Variants in GPR149 observed in about 807,000 individuals in gnomAD.
GPR149 encodes the protein probable G protein-coupled receptor 149.
Under a neutral mutation model 50.2 loss-of-function variants are expected in GPR149, and 50 were observed. The ratio of observed to expected loss-of-function variants is 1.00; its 90% confidence interval spans 0.79 to 1.26. The LOEUF is 1.26. GPR149 is among the 50% of genes most tolerant of loss of function. The pLI is 0.00. For synonymous variants in GPR149, 405 were observed against 358.2 expected, an observed-to-expected ratio of 1.13 and a Z score of -1.48; for missense variants, 983 against 895.4, an observed-to-expected ratio of 1.10 and a Z score of -1.25.
rs569072658 is a variant in GPR149 at position 154,420,950 on chromosome 3, T to A, written c.1623+89A>T. 4.4e-4 allele frequency: 413 copies of A among 941,326 alleles called. 1 individual carries two copies. The highest frequency in any genetic ancestry group is 3.9e-3 in the South Asian group (219 of 56,346). The allele number at this position is 941,326 out of a possible 1,614,324, so 58.3% of individuals were successfully genotyped here. A position where few individuals can be genotyped will look rare whatever the true frequency, so the allele number is the denominator to read the frequency against. ...AAGTGAAGTTAATGTTGGGCTTGAT[T>A]GAATAAAACAAACAACTGATAATGT... On this transcript the variant is annotated intron_variant, in intron 3 of 3. Coordinates refer to ENST00000389740, the MANE Select transcript of GPR149 (RefSeq NM_001038705.3).
intron 3 of GPR149, among the ~76,000 whole-genome samples, chr3:154,398,569 C>A (rs189133397): frequency 1.4e-4 from 21 of 152,096 alleles, no homozygotes; most frequent in Admixed American, 8.5e-4. Context: ...GAACAGGAAG[C>A]TTTGAGTACA....
chr3:154,350,384 T>C (rs1323612273), intron 3 of GPR149, among the ~76,000 whole-genome samples: 4 of 152,184 alleles, frequency 2.6e-5, no homozygotes, highest in Non-Finnish European at 2.9e-5. Context: ...CAAAATCATT[T>C]GTACTTCTAT....
Position 154,353,415 on chromosome 3 carries a change from A to G in GPR149, c.1624-15144T>C, listed in dbSNP as rs576762716. ...TTCAGTTTTGTAGGATTTGTGAATC[A>G]CATCTTCAACTTGTTCATTAAAATC... On this transcript the variant is annotated intron_variant, in intron 3 of 3. Transcript: ENST00000389740. 1.5e-5 allele frequency: 16 copies of G among 1,072,334 alleles called. No homozygotes were observed. In the African/African-American group the frequency reaches 2.0e-4, roughly 14 times the overall value. 66.4% of individuals were successfully genotyped at this position (1,072,334 alleles called of 1,614,324 possible). A position where few individuals can be genotyped will look rare whatever the true frequency, so the allele number is the denominator to read the frequency against.
chr3:154,337,845 C>T lies in GPR149; in HGVS notation c.2050G>A (p.Asp684Asn), dbSNP rs779428998. The T allele has an allele frequency of 1.2e-6, 2 of 1,613,944 alleles. No homozygotes were observed. Among genetic ancestry groups the T allele is most frequent in the African/African-American group, 2.7e-5 (2 of 74,906 alleles). Residue 684 changes from aspartate (D) to asparagine (N), a missense_variant, in exon 4 of 4, where the codon GAT (aspartate) becomes AAT (asparagine). Asp to Asn is a conservative substitution (Grantham distance 23). Coordinates refer to ENST00000389740, the MANE Select transcript of GPR149 (RefSeq NM_001038705.3). The part of the protein sequence containing the change: ...LFLPTSNPDG[D>N]INISIPDTVE... Reference sequence around the variant, plus strand: ...GTGTCTGGAATGGAGATATTAATATCACCATCAGGATTACTGGTGGGCAAA... The same window carrying T: ...GTGTCTGGAATGGAGATATTAATATTACCATCAGGATTACTGGTGGGCAAA...
rs1712403947 is a variant in GPR149, at chr3:154,429,082, C to A, written c.534G>T (p.Thr178=). 1 of 1,613,792 alleles carries A rather than the reference C, an allele frequency of 6.2e-7. No homozygotes were observed. The highest frequency in any genetic ancestry group is 8.5e-7 in the Non-Finnish European group (1 of 1,179,950). ...PLCGWGAFVR[T]PWGCLVDCSS... Reference sequence around the variant, plus strand: ...AGCAGTCCACCAGGCAGCCCCAGGGCGTGCGCACGAAGGCGCCCCAGCCGC... The same window carrying A: ...AGCAGTCCACCAGGCAGCCCCAGGGAGTGCGCACGAAGGCGCCCCAGCCGC... The change falls in exon 1 of 4, where the codon ACG becomes ACT. Residue 178 remains threonine (T), a synonymous_variant. Coordinates refer to ENST00000389740, the MANE Select transcript of GPR149 (RefSeq NM_001038705.3).
chr3:154,352,759 C>A, intron 3 of GPR149: 1 of 796,216 alleles, frequency 1.3e-6, no homozygotes, highest in East Asian at 2.4e-5. Context: ...GGTATCCATG[C>A]TTTTAGATTT....
chr3:154,339,240 T>C (rs1428671692), intron 3 of GPR149, among the ~76,000 whole-genome samples: 1 of 152,154 alleles, frequency 6.6e-6, no homozygotes, highest in Non-Finnish European at 1.5e-5. Context: ...CTCAATTAGG[T>C]CTCAACCCAG....
intron 3 of GPR149, among the ~76,000 whole-genome samples, chr3:154,361,027 T>C (rs931004781): frequency 3.3e-5 from 5 of 152,148 alleles, no homozygotes; most frequent in African/African-American, 1.2e-4. Context: ...ACTACCTACA[T>C]AGCAACAGAA....
chr3:154,416,485 T>A (rs1021660663), intron 3 of GPR149, among the ~76,000 whole-genome samples: 1 of 151,872 alleles, frequency 6.6e-6, no homozygotes, highest in Non-Finnish European at 1.5e-5. Context: ...AGCTCTGATC[T>A]AAAGAGCTCA....
At chr3:154,369,949 G>T (rs1714625633) in intron 3 of GPR149, among the ~76,000 whole-genome samples, 1 of 152,166 alleles carries the variant, frequency 6.6e-6, no homozygotes, top group Admixed American at 6.5e-5. Flanking sequence ...GCAACAGGCA[G>T]CCCCCACTGT....
At position 154,429,512 on chromosome 3, in the gene GPR149, T is replaced by TA. The variant is rs1712425065; in HGVS notation, c.103dup (p.Tyr35LeufsTer44). 6.2e-7 allele frequency: 1 copy of TA among 1,614,040 alleles called. No homozygotes were observed. Among genetic ancestry groups the TA allele is most frequent in the African/African-American group, 1.3e-5 (1 of 74,926 alleles). ...CATGAGACATGTCAAGCAAAAAAGA[T>TA]AGATATTCAGGGTTCCTGGCGGATT... On this transcript the variant is annotated frameshift_variant, in exon 1 of 4. Coordinates refer to ENST00000389740, the MANE Select transcript of GPR149 (RefSeq NM_001038705.3). LOFTEE classifies it high-confidence loss of function.
intron 3 of GPR149, among the ~76,000 whole-genome samples, chr3:154,349,689 A>G (rs1714021474): frequency 6.6e-6 from 1 of 152,230 alleles, no homozygotes. Flanking sequence ...AATTCTGCAC[A>G]ATCTCTTACA....
At chr3:154,345,136 G>C (rs1713892715) in intron 3 of GPR149, among the ~76,000 whole-genome samples, 2 of 152,086 alleles carry the variant, frequency 1.3e-5, no homozygotes, top group African/African-American at 4.8e-5. Context: ...AAAAATATTT[G>C]TTGAATGGAC....
At chr3:154,379,750 C>T (rs1576914210) in intron 3 of GPR149, among the ~76,000 whole-genome samples, 1 of 152,106 alleles carries the variant, frequency 6.6e-6, no homozygotes, top group Non-Finnish European at 1.5e-5. Context: ...ACCAATTGCC[C>T]ATAAATGTAA....
intron 2 of GPR149, 151 bp from the exon 3 acceptor site, chr3:154,421,638 G>T (rs951565776): frequency 1.8e-5 from 9 of 490,766 alleles, no homozygotes; most frequent in Admixed American, 1.5e-4. Context: ...GTTATGCAAA[G>T]AAATTATGCC....
At chr3:154,346,400 T>C (rs977672448) in intron 3 of GPR149, among the ~76,000 whole-genome samples, 2 of 152,204 alleles carry the variant, frequency 1.3e-5, no homozygotes, top group African/African-American at 4.8e-5. Flanking sequence ...TGTCATTCTG[T>C]CATTTTCATT....
intron 2 of GPR149, 42 bp from the exon 3 acceptor site, chr3:154,421,529 G>C: frequency 1.9e-6 from 2 of 1,051,148 alleles, no homozygotes; most frequent in Non-Finnish European, 2.7e-6. Context: ...TAGTAAGGTA[G>C]ATAAAGACAA....
At chr3:154,399,143 T>A (rs1715362754) in intron 3 of GPR149, among the ~76,000 whole-genome samples, 1 of 152,186 alleles carries the variant, frequency 6.6e-6, no homozygotes, top group East Asian at 1.9e-4. Flanking sequence ...TATTAGTATT[T>A]TTTTTTAAGT....
chr3:154,388,309 T>TACAC (rs1427120330), intron 3 of GPR149, among the ~76,000 whole-genome samples: 11 of 152,160 alleles, frequency 7.2e-5, no homozygotes, highest in African/African-American at 2.4e-4. Flanking sequence ...TACACATATA[T>TACAC]ATACACACAC....
Sources: allele counts gnomAD v4.1 joint callset (sites outside exome capture counted in the v4.1 genomes callset), GRCh38; gene constraint gnomAD v4.1.1; transcripts MANE v1.5; gene names NCBI Gene and HGNC (gene_info 2026-07-23, HGNC 2026-07-21).